Variants in KCNIP4 observed in about 807,000 individuals in gnomAD.
KCNIP4 encodes the protein Kv channel-interacting protein 4.
Under a neutral mutation model 34.0 loss-of-function variants are expected in KCNIP4, and 12 were observed. That is an observed-to-expected ratio of 0.35 (90% CI 0.23 to 0.57). The LOEUF is 0.57. KCNIP4 is among the 20% of genes least tolerant of loss of function. The probability of loss-of-function intolerance (pLI) is 0.83; values close to 1 mark genes in which losing one functional copy is unlikely to be tolerated. For missense variants in KCNIP4, 238 were observed against 311.7 expected, an observed-to-expected ratio of 0.76 and a Z score of 1.78; for synonymous variants, 124 against 102.2, an observed-to-expected ratio of 1.21 and a Z score of -1.29.
chr4:21,867,712 G>C (rs772044287), intron 1 of KCNIP4, among the ~76,000 whole-genome samples: 52 of 152,300 alleles, frequency 3.4e-4, no homozygotes, highest in African/African-American at 1.2e-3. Flanking sequence ...TTGAGCAAGT[G>C]AGAATCCTCT....
chr4:21,530,901 C>A (rs1450778463), intron 1 of KCNIP4, among the ~76,000 whole-genome samples: 2 of 152,130 alleles, frequency 1.3e-5, no homozygotes, highest in Non-Finnish European at 2.9e-5. Context: ...AAGGTATGAG[C>A]TACACTCACA....
chr4:21,291,058 G>A (rs886797072), intron 1 of KCNIP4, among the ~76,000 whole-genome samples: 1 of 152,150 alleles, frequency 6.6e-6, no homozygotes, highest in African/African-American at 2.4e-5. Flanking sequence ...TGTAGTCAGG[G>A]TGTTTTCCTC....
chr4:21,169,465 C>T (rs1753854499), intron 1 of KCNIP4, among the ~76,000 whole-genome samples: 1 of 151,986 alleles, frequency 6.6e-6, no homozygotes, highest in Admixed American at 6.6e-5. Context: ...TGAATTAAAA[C>T]TCTAGAGATG....
intron 1 of KCNIP4, among the ~76,000 whole-genome samples, chr4:20,969,210 A>C (rs1734680192): frequency 6.6e-6 from 1 of 152,224 alleles, no homozygotes; most frequent in Admixed American, 6.5e-5. Context: ...GAAAACTGTT[A>C]GCCCTTTTCA....
chr4:21,688,460 G>A (rs1750982515), intron 1 of KCNIP4, among the ~76,000 whole-genome samples: 1 of 152,112 alleles, frequency 6.6e-6, no homozygotes, highest in African/African-American at 2.4e-5. Flanking sequence ...ATCTACCTGA[G>A]ATAAAACTTG....
intron 1 of KCNIP4, among the ~76,000 whole-genome samples, chr4:21,357,771 A>G (rs1309887569): frequency 6.6e-6 from 1 of 152,186 alleles, no homozygotes; most frequent in Non-Finnish European, 1.5e-5. Flanking sequence ...TGATTCCTCA[A>G]GGATAAAGAA....
chr4:21,500,573 T>C (rs898387939), intron 1 of KCNIP4, among the ~76,000 whole-genome samples: 2 of 152,176 alleles, frequency 1.3e-5, no homozygotes, highest in Non-Finnish European at 2.9e-5. Context: ...GTCATTGCGT[T>C]ATTAGAGATT....
chr4:21,772,156 C>A (rs760253965), intron 1 of KCNIP4, among the ~76,000 whole-genome samples: 2 of 152,086 alleles, frequency 1.3e-5, no homozygotes, highest in Non-Finnish European at 2.9e-5. Flanking sequence ...TTATCAAAGG[C>A]CTTTTCTGCA....
At chr4:20,850,761 A>G in intron 2 of KCNIP4, 94 bp from the exon 3 acceptor site, 1 of 1,436,680 alleles carries the variant, frequency 7.0e-7, no homozygotes, top group South Asian at 1.3e-5. Context: ...CATGTCTGCT[A>G]ATGTCTGTGA....
At chr4:21,142,330 G>T (rs935844968) in intron 1 of KCNIP4, among the ~76,000 whole-genome samples, 3 of 152,094 alleles carry the variant, frequency 2.0e-5, no homozygotes, top group African/African-American at 4.8e-5. Flanking sequence ...GGCCACGTAA[G>T]ATTCCAGTGA....
At chr4:20,745,411 A>G (rs893191631) in intron 5 of KCNIP4, among the ~76,000 whole-genome samples, 2 of 152,198 alleles carry the variant, frequency 1.3e-5, no homozygotes, top group African/African-American at 4.8e-5. Context: ...TACTCAAAAC[A>G]GGAATGATAT....
intron 1 of KCNIP4, among the ~76,000 whole-genome samples, chr4:21,059,091 G>T (rs748636069): frequency 6.6e-6 from 1 of 152,034 alleles, no homozygotes; most frequent in Non-Finnish European, 1.5e-5. Context: ...ATGATTGTGA[G>T]GCCTCCCCAG....
At chr4:20,896,149 T>C (rs1016631038) in intron 1 of KCNIP4, among the ~76,000 whole-genome samples, 1 of 152,186 alleles carries the variant, frequency 6.6e-6, no homozygotes, top group African/African-American at 2.4e-5. Context: ...GAGCTGCCCC[T>C]TTCACACAGG....
intron 1 of KCNIP4, among the ~76,000 whole-genome samples, chr4:21,398,387 C>T (rs1723185816): frequency 6.6e-6 from 1 of 152,146 alleles, no homozygotes; most frequent in Admixed American, 6.5e-5. Context: ...TGCTGTTAAT[C>T]CCAATGGCAC....
chr4:21,498,794 A>T (rs1733062211), intron 1 of KCNIP4, among the ~76,000 whole-genome samples: 1 of 152,200 alleles, frequency 6.6e-6, no homozygotes, highest in African/African-American at 2.4e-5. Flanking sequence ...TGCAGATGAG[A>T]AACAATAGAG....
intron 1 of KCNIP4, among the ~76,000 whole-genome samples, chr4:21,789,594 G>A (rs764968549): frequency 6.6e-6 from 1 of 152,172 alleles, no homozygotes; most frequent in Non-Finnish European, 1.5e-5. Context: ...TTAAGACTAC[G>A]TAACATCTTT....
At chr4:21,025,236 G>T (rs1246321933) in intron 1 of KCNIP4, among the ~76,000 whole-genome samples, 5 of 152,142 alleles carry the variant, frequency 3.3e-5, no homozygotes, top group Admixed American at 3.3e-4. Context: ...AGGTAGGGGA[G>T]GAAGAAGAGA....
intron 7 of KCNIP4, 91 bp from the exon 8 acceptor site, chr4:20,732,159 A>G (rs142942059): frequency 3.5e-6 from 3 of 847,156 alleles, no homozygotes; most frequent in Admixed American, 4.8e-5. Flanking sequence ...TAAAAAGAAA[A>G]CCTAGCTGCT....
intron 1 of KCNIP4, among the ~76,000 whole-genome samples, chr4:21,270,113 G>A (rs1311066739): frequency 6.6e-6 from 1 of 152,134 alleles, no homozygotes; most frequent in Non-Finnish European, 1.5e-5. Context: ...TAACCACCGG[G>A]GAGTATCATA....
Sources: gnomAD v4.1 joint callset for allele counts (sites outside exome capture counted in the v4.1 genomes callset) on GRCh38, gnomAD v4.1.1 for gene constraint, MANE v1.5 for transcripts, NCBI Gene and HGNC (gene_info 2026-07-23, HGNC 2026-07-21) for gene names.